The following DRC5 variants were observed in gnomAD, a reference collection of about 807,000 sequenced individuals.
DRC5 encodes dynein regulatory complex subunit 5, also known as T-complex-associated testis-expressed protein 1.
At chr6:44,282,353 G>T in the DRC5 span, 1 of 1,614,190 alleles carries the variant, frequency 6.2e-7, no homozygotes, top group Admixed American at 1.7e-5. Context: ...CCAGGGACTG[G>T]GCACCGGGTG....
the DRC5 span, among the ~76,000 whole-genome samples, chr6:44,292,753 C>G: frequency 6.6e-6 from 1 of 152,142 alleles, no homozygotes; most frequent in Non-Finnish European, 1.5e-5. Flanking sequence ...ATCTGGATCT[C>G]CTGCTGCTGG....
the DRC5 span, among the ~76,000 whole-genome samples, chr6:44,280,975 G>A: frequency 1.3e-5 from 2 of 152,204 alleles, no homozygotes. Context: ...AGCCATTTCT[G>A]ATTAAGCTTT....
the DRC5 span, among the ~76,000 whole-genome samples, chr6:44,296,367 G>A: frequency 3.3e-5 from 5 of 152,310 alleles, no homozygotes; most frequent in East Asian, 1.9e-4. Context: ...GGAGACTTCC[G>A]CAAGGCTGGA....
the DRC5 span, chr6:44,287,904 G>A: frequency 6.6e-7 from 1 of 1,522,122 alleles, no homozygotes; most frequent in Admixed American, 2.1e-5. Context: ...GCAGGTCCTT[G>A]AAACAGGTAG....
the DRC5 span, chr6:44,280,255 G>C: frequency 3.1e-6 from 5 of 1,614,112 alleles, no homozygotes; most frequent in Non-Finnish European, 4.2e-6. Flanking sequence ...GCCCGCTGGC[G>C]GGCTGCTTCT....
At chr6:44,295,567 AAG>A in the DRC5 span, among the ~76,000 whole-genome samples, 1 of 152,210 alleles carries the variant, frequency 6.6e-6, no homozygotes, top group Admixed American at 6.5e-5. Flanking sequence ...AGGTAATAGA[AAG>A]TGACAAGATG....
chr6:44,286,624 G>A, the DRC5 span: 1 of 1,144,968 alleles, frequency 8.7e-7, no homozygotes, highest in Non-Finnish European at 1.2e-6. Context: ...GGAGCACCAG[G>A]CAAAGGAGAG....
At chr6:44,286,095 G>A in the DRC5 span, 2 of 1,614,204 alleles carry the variant, frequency 1.2e-6, no homozygotes, top group Non-Finnish European at 8.5e-7. Context: ...TCCTCCAGGT[G>A]GCTCAGGCCA....
chr6:44,284,610 T>C, the DRC5 span, among the ~76,000 whole-genome samples: 1 of 152,192 alleles, frequency 6.6e-6, no homozygotes, highest in East Asian at 1.9e-4. Flanking sequence ...ATTCCCTGTC[T>C]CTGCACATGG....
At chr6:44,289,139 G>A in the DRC5 span, among the ~76,000 whole-genome samples, 3 of 134,106 alleles carry the variant, frequency 2.2e-5, no homozygotes, top group Non-Finnish European at 3.0e-5. Context: ...CAGGGTTCAA[G>A]TGATTCTCCT....
chr6:44,287,870 T>C, the DRC5 span: 1 of 1,585,536 alleles, frequency 6.3e-7, no homozygotes, highest in South Asian at 1.2e-5. Flanking sequence ...TGGATGGCCT[T>C]ATGACAAGAA....
the DRC5 span, chr6:44,287,350 G>T: frequency 1.6e-6 from 1 of 618,842 alleles, no homozygotes; most frequent in Non-Finnish European, 2.0e-6. Flanking sequence ...AGTCTGGTGG[G>T]ACCTGCCAGT....
chr6:44,280,193 G>A, the DRC5 span: 1 of 1,614,088 alleles, frequency 6.2e-7, no homozygotes, highest in Non-Finnish European at 8.5e-7. Flanking sequence ...ATCCCACAGA[G>A]TTCTCAGGGC....
At chr6:44,293,639 CCA>C in the DRC5 span, among the ~76,000 whole-genome samples, 27 of 152,264 alleles carry the variant, frequency 1.8e-4, no homozygotes, top group Non-Finnish European at 3.7e-4. Flanking sequence ...CACTACCCCT[CCA>C]CAGTCACTCA....
chr6:44,282,543 C>CG, the DRC5 span: 1 of 1,590,858 alleles, frequency 6.3e-7, no homozygotes, highest in Admixed American at 1.7e-5. Flanking sequence ...CACCTTGCTT[C>CG]GGGTCAGCTT....
chr6:44,297,218 G>A, the DRC5 span, among the ~76,000 whole-genome samples: 1 of 152,214 alleles, frequency 6.6e-6, no homozygotes, highest in Non-Finnish European at 1.5e-5. Context: ...GGGAGGTAGG[G>A]AGATGAGGAA....
chr6:44,291,979 C>G, the DRC5 span, among the ~76,000 whole-genome samples: 1 of 150,746 alleles, frequency 6.6e-6, no homozygotes, highest in African/African-American at 2.4e-5. Flanking sequence ...TTTCCTGCTG[C>G]TGCCTTAGCT....
At chr6:44,287,722 G>A in the DRC5 span, 1,264,792 of 1,613,854 alleles carry the variant, frequency 0.78, 499,765 homozygotes, top group Admixed American at 0.82. Context: ...TGAGAGCTGT[G>A]GGCTTGTGCT....
At chr6:44,285,142 G>C in the DRC5 span, among the ~76,000 whole-genome samples, 1 of 152,182 alleles carries the variant, frequency 6.6e-6, no homozygotes, top group South Asian at 2.1e-4. Context: ...TCCTCCCTCT[G>C]AGACTGTAAC....
Sources: gnomAD v4.1 joint callset for allele counts (sites outside exome capture counted in the v4.1 genomes callset) on GRCh38, gnomAD v4.1.1 for gene constraint, MANE v1.5 for transcripts, NCBI Gene and HGNC (gene_info 2026-07-23, HGNC 2026-07-21) for gene names.